Variants in NAALADL2 observed in about 807,000 individuals in gnomAD.
NAALADL2 encodes inactive N-acetylated-alpha-linked acidic dipeptidase-like protein 2.
A neutral mutation model predicts 87.2 loss-of-function variants in NAALADL2; 76 were observed. The observed-to-expected ratio is 0.87, with a 90% CI of 0.72 to 1.05. The LOEUF is 1.05. Ranked by LOEUF, NAALADL2 falls within the 50% of genes least tolerant of loss-of-function variation. NAALADL2 has a pLI of 0.00. For missense variants in NAALADL2, 1,089 were observed against 945.8 expected, an observed-to-expected ratio of 1.15 and a Z score of -1.99; for synonymous variants, 354 against 331.0, an observed-to-expected ratio of 1.07 and a Z score of -0.75.
At chr3:174,992,665 C>T (rs1746893726) in intron 1 of NAALADL2, among the ~76,000 whole-genome samples, 5 of 151,828 alleles carry the variant, frequency 3.3e-5, no homozygotes, top group Admixed American at 2.6e-4. Context: ...TAATAATCAA[C>T]TTTTTCAAAA....
Position 175,067,520 on chromosome 3 carries a change from T to C in NAALADL2, c.44-29270T>C, listed in dbSNP as rs558659731. On this transcript the variant is annotated intron_variant, in intron 1 of 13. Coordinates refer to ENST00000454872, the MANE Select transcript of NAALADL2 (RefSeq NM_207015.3). ...TCAACATCACTGATTATCAGAGAAATGTAAAATAAAACCACAATAAGATAC... is the reference window on the plus strand; with the variant it reads ...TCAACATCACTGATTATCAGAGAAACGTAAAATAAAACCACAATAAGATAC... Among the ~76,000 whole-genome samples, 3 of 152,132 alleles carry C rather than the reference T, an allele frequency of 2.0e-5. No homozygotes were observed. In the East Asian group the frequency reaches 5.8e-4, roughly 29 times the overall value.
intron 5 of NAALADL2, among the ~76,000 whole-genome samples, chr3:175,366,734 A>T (rs1765634211): frequency 6.7e-6 from 1 of 149,748 alleles, no homozygotes; most frequent in African/African-American, 2.4e-5. Context: ...AATTTGTTTG[A>T]GTTCATTGTA....
intron 1 of NAALADL2, among the ~76,000 whole-genome samples, chr3:174,504,116 C>T (rs1719063538): frequency 6.6e-6 from 1 of 152,100 alleles, no homozygotes. Context: ...GAGTGCTTAA[C>T]TATGCAGCTA....
At chr3:174,464,646 C>G (rs980732881) in intron 1 of NAALADL2, among the ~76,000 whole-genome samples, 1 of 151,480 alleles carries the variant, frequency 6.6e-6, no homozygotes, top group Non-Finnish European at 1.5e-5. Flanking sequence ...CTAGTTTCTC[C>G]AGGATTTGAA....
At chr3:174,693,532 T>C (rs1220516415) in intron 2 of NAALADL2, among the ~76,000 whole-genome samples, 1 of 152,156 alleles carries the variant, frequency 6.6e-6, no homozygotes, top group Admixed American at 6.5e-5. Context: ...CGGCAAAAAA[T>C]ATGCCTAAAC....
intron 11 of NAALADL2, among the ~76,000 whole-genome samples, chr3:175,674,695 T>TA (rs1338018633): frequency 6.6e-6 from 1 of 152,274 alleles, no homozygotes; most frequent in East Asian, 1.9e-4. Context: ...CTTTTGTTTT[T>TA]ATGTTTAAAA....
intron 10 of NAALADL2, among the ~76,000 whole-genome samples, chr3:175,590,667 G>T (rs1721305019): frequency 6.6e-6 from 1 of 152,046 alleles, no homozygotes; most frequent in Non-Finnish European, 1.5e-5. Context: ...TGATGACCAG[G>T]TTGACAGGTA....
intron 3 of NAALADL2, among the ~76,000 whole-genome samples, chr3:174,800,363 C>A (rs1718678794): frequency 6.6e-6 from 1 of 152,128 alleles, no homozygotes; most frequent in African/African-American, 2.4e-5. Context: ...AAAGCTCATG[C>A]TGTTGCTTTA....
At chr3:175,676,133 A>C (rs1371373329) in intron 11 of NAALADL2, 1 of 152,138 alleles carries the variant, frequency 6.6e-6, no homozygotes, top group Non-Finnish European at 1.5e-5. Context: ...CTTCTCACAC[A>C]CTAAATCAAG....
chr3:174,612,094 A>G (rs986423995), intron 2 of NAALADL2, among the ~76,000 whole-genome samples: 21 of 152,094 alleles, frequency 1.4e-4, no homozygotes, highest in African/African-American at 5.1e-4. Flanking sequence ...TATTTCCTTT[A>G]GCACTTTAAG....
At chr3:175,164,428 G>T (rs1300106476) in intron 2 of NAALADL2, among the ~76,000 whole-genome samples, 1 of 151,648 alleles carries the variant, frequency 6.6e-6, no homozygotes, top group Non-Finnish European at 1.5e-5. Flanking sequence ...TAGAAATAAA[G>T]AATTAAAGGA....
intron 6 of NAALADL2, among the ~76,000 whole-genome samples, chr3:175,452,994 T>C (rs1008625017): frequency 1.3e-5 from 2 of 152,170 alleles, no homozygotes; most frequent in African/African-American, 4.8e-5. Flanking sequence ...ACAGTTTTGA[T>C]TTTAGAAATG....
At chr3:174,950,375 C>T (rs1028844956) in intron 1 of NAALADL2, among the ~76,000 whole-genome samples, 5 of 152,046 alleles carry the variant, frequency 3.3e-5, no homozygotes, top group African/African-American at 4.8e-5. Context: ...TGGAAATATG[C>T]TTGGTTTGAC....
intron 10 of NAALADL2, among the ~76,000 whole-genome samples, chr3:175,577,945 A>G (rs568884704): frequency 6.6e-6 from 1 of 152,302 alleles, no homozygotes; most frequent in South Asian, 2.1e-4. Context: ...TTTATCCTAT[A>G]TCAATTAGTA....
At chr3:174,607,438 C>T (rs1185681287) in intron 2 of NAALADL2, among the ~76,000 whole-genome samples, 1 of 150,456 alleles carries the variant, frequency 6.6e-6, no homozygotes, top group Non-Finnish European at 1.5e-5. Flanking sequence ...CGTGCAGAGA[C>T]ACACATAGGC....
chr3:174,834,807 A>G (rs1723142122), intron 3 of NAALADL2, among the ~76,000 whole-genome samples: 1 of 151,592 alleles, frequency 6.6e-6, no homozygotes, highest in Admixed American at 6.6e-5. Context: ...AAATGAAGAG[A>G]TAAGCCATGT....
intron 13 of NAALADL2, among the ~76,000 whole-genome samples, chr3:175,769,324 C>T (rs1308347912): frequency 6.6e-6 from 1 of 152,038 alleles, no homozygotes; most frequent in Non-Finnish European, 1.5e-5. Context: ...AGACAAAAGA[C>T]CAAATAAATA....
At chr3:174,663,648 C>T (rs1009884023) in intron 2 of NAALADL2, among the ~76,000 whole-genome samples, 1 of 152,016 alleles carries the variant, frequency 6.6e-6, no homozygotes, top group Non-Finnish European at 1.5e-5. Flanking sequence ...AGGTATCTGC[C>T]CTCATGACCT....
intron 1 of NAALADL2, among the ~76,000 whole-genome samples, chr3:174,869,282 C>T (rs9290523): frequency 0.3 from 45,495 of 151,794 alleles, 6,867 homozygotes; most frequent in Admixed American, 0.34. Flanking sequence ...GAAATGACCA[C>T]ACTTTGGAAA....
Sources: gnomAD v4.1 joint callset for allele counts (sites outside exome capture counted in the v4.1 genomes callset) on GRCh38, gnomAD v4.1.1 for gene constraint, MANE v1.5 for transcripts, NCBI Gene and HGNC (gene_info 2026-07-23, HGNC 2026-07-21) for gene names.